The following CA13 variants were observed in gnomAD, a reference collection of about 807,000 sequenced individuals.
CA13 encodes the protein carbonic anhydrase 13.
In CA13, 21 loss-of-function variants were observed where a neutral mutation model predicts 31.5. The ratio of observed to expected loss-of-function variants is 0.67; its 90% CI spans 0.47 to 0.96. The LOEUF is 0.96. CA13 is among the 40% of genes least tolerant of loss of function. The probability of loss-of-function intolerance (pLI) is 0.00; values close to 1 mark genes in which losing one functional copy is unlikely to be tolerated. For missense variants in CA13, 315 were observed against 318.9 expected (o/e 0.99, Z 0.09); for synonymous variants, 117 against 111.4 (o/e 1.05, Z -0.32).
intron 6 of CA13, among the ~76,000 whole-genome samples, chr8:85,280,556 A>C (rs1409253626): frequency 6.6e-6 from 1 of 152,210 alleles, no homozygotes; most frequent in Admixed American, 6.5e-5. Context: ...ATTCCTAATA[A>C]TTTGTCTTCA....
chr8:85,245,595 C>T lies in CA13; in HGVS notation c.-234C>T. 5.3e-6 allele frequency: 3 copies of T among 566,576 alleles called. No homozygotes were observed. Among genetic ancestry groups the T allele is most frequent in the East Asian group, 6.2e-5 (2 of 32,310 alleles). 35.1% of individuals were successfully genotyped at this position (566,576 alleles called of 1,614,324 possible). A position where few individuals can be genotyped will look rare whatever the true frequency, so the allele number is the denominator to read the frequency against. The stretch of plus-strand genomic sequence containing the variant: ...CAAATCTCTCATTCCCGAGTCCAAA[C>T]TAAGAGAGACTCGCGCCCCAGGAGT... On this transcript the variant is annotated 5_prime_UTR_variant, in exon 1 of 7. Transcript: ENST00000321764.
At position 85,281,243 on chromosome 8, in the gene CA13, G is replaced by T. The variant is rs1366347267; in HGVS notation, c.683G>T (p.Arg228Leu). ...NISSQQLAKF[R>L]SLLCTAEGEA... ...CTTCTTCTACAGCTGGCCAAATTTCGCAGTCTCCTGTGCACAGCGGAGGGT... is the reference window on the plus strand; with the variant it reads ...CTTCTTCTACAGCTGGCCAAATTTCTCAGTCTCCTGTGCACAGCGGAGGGT... The change falls in exon 7 of 7, where the codon CGC (arginine) becomes CTC (leucine). Residue 228 changes from arginine (R) to leucine (L), a missense_variant. Transcript: ENST00000321764. 3.1e-6 allele frequency: 5 copies of T among 1,612,748 alleles called. No homozygotes were observed. The highest frequency in any genetic ancestry group is 1.3e-5 in the African/African-American group (1 of 74,836).
At chr8:85,274,827 C>T (rs998699063) in intron 6 of CA13, among the ~76,000 whole-genome samples, 6 of 152,176 alleles carry the variant, frequency 3.9e-5, no homozygotes, top group Admixed American at 1.3e-4. Flanking sequence ...GTGTTGCAGA[C>T]GCCACTCGTC....
intron 6 of CA13, among the ~76,000 whole-genome samples, chr8:85,269,326 C>G (rs1440366451): frequency 6.6e-6 from 1 of 152,074 alleles, no homozygotes; most frequent in Admixed American, 6.5e-5. Context: ...GTGTGCATGC[C>G]TATAGTCCCA....
chr8:85,277,111 A>G (rs1807622855), intron 6 of CA13, among the ~76,000 whole-genome samples: 1 of 152,098 alleles, frequency 6.6e-6, no homozygotes, highest in Non-Finnish European at 1.5e-5. Flanking sequence ...CAGATAAGAG[A>G]AGAAAAGCAG....
At chr8:85,261,552 G>A (rs1381038279) in intron 3 of CA13, among the ~76,000 whole-genome samples, 2 of 151,816 alleles carry the variant, frequency 1.3e-5, no homozygotes, top group Non-Finnish European at 1.5e-5. Flanking sequence ...TCAGCCACCC[G>A]AGTAGCTGGG....
intron 6 of CA13, among the ~76,000 whole-genome samples, chr8:85,272,972 C>T (rs1232995367): frequency 6.6e-6 from 1 of 152,142 alleles, no homozygotes; most frequent in Non-Finnish European, 1.5e-5. Flanking sequence ...CACTTGCCAC[C>T]ACACCCAGCT....
intron 6 of CA13, among the ~76,000 whole-genome samples, chr8:85,269,925 G>C (rs1250609140): frequency 1.3e-5 from 2 of 151,914 alleles, no homozygotes; most frequent in African/African-American, 4.8e-5. Context: ...TTATTGCCCT[G>C]GCTGGTCTTG....
chr8:85,268,595 T>G lies in CA13; in HGVS notation c.637T>G (p.Leu213Val). 6.2e-7 allele frequency: 1 copy of G among 1,614,074 alleles called. No homozygotes were observed. The highest frequency in any genetic ancestry group is 8.5e-7 in the Non-Finnish European group (1 of 1,179,958). Residue 213 changes from leucine (L) to valine (V), a missense_variant, in exon 6 of 7, where the codon TTA becomes GTA. By Grantham distance (32) the Leu-to-Val change is conservative. Coordinates refer to ENST00000321764, the MANE Select transcript of CA13 (RefSeq NM_198584.3). The part of the protein sequence containing the change: ...PLLESVTWIV[L>V]KQPINISSQQ... ...TCTTGAGAGTGTCACATGGATTGTT[T>G]TAAAGCAACCTATAAACATCAGCTC... is the stretch of plus-strand genomic sequence containing the variant.
At chr8:85,255,892 A>C (rs1807285947) in intron 2 of CA13, among the ~76,000 whole-genome samples, 2 of 152,284 alleles carry the variant, frequency 1.3e-5, no homozygotes, top group African/African-American at 4.8e-5. Context: ...AGAACTCTCC[A>C]CATTATGTTG....
At chr8:85,260,832 G>A (rs1807367306) in intron 3 of CA13, among the ~76,000 whole-genome samples, 1 of 152,166 alleles carries the variant, frequency 6.6e-6, no homozygotes, top group Non-Finnish European at 1.5e-5. Context: ...AGCGCCCTCG[G>A]AACTAATTAT....
In CA13 at chr8:85,259,423, C is replaced by G. The variant is rs770355479; in HGVS notation, c.238C>G (p.Leu80Val). Residue 80 changes from leucine (L) to valine (V), a missense_variant and splice_region_variant, in exon 3 of 7, where the codon CTG (leucine) becomes GTG (valine). Transcript: ENST00000321764. The stretch of plus-strand genomic sequence containing the variant: ...ATATAAAACATGTTGTTGTTTAGTT[C>G]TGCGTGGTGGTCCTCTCACTGGAAG... ...DFDDTENKSVLRGGPLTGSYR... is the reference protein window; with the variant it reads ...DFDDTENKSVVRGGPLTGSYR... 3 of 1,612,672 alleles carry G rather than the reference C, an allele frequency of 1.9e-6. No individual in the cohort carries two copies. In the African/African-American group the frequency reaches 4.0e-5, roughly 22 times the overall value.
At chr8:85,251,832 A>G (rs537735591) in intron 2 of CA13, among the ~76,000 whole-genome samples, 7 of 152,350 alleles carry the variant, frequency 4.6e-5, no homozygotes, top group African/African-American at 1.7e-4. Context: ...GTATACATAC[A>G]TGTGTATCAT....
chr8:85,267,846 T>C (rs1807477389), intron 4 of CA13, 56 bp from the exon 5 acceptor site: 1 of 997,006 alleles, frequency 1.0e-6, no homozygotes, highest in African/African-American at 1.6e-5. Flanking sequence ...TGAAATTGAG[T>C]GATTCAGACT....
At chr8:85,276,936 G>C (rs530222602) in intron 6 of CA13, among the ~76,000 whole-genome samples, 1 of 152,310 alleles carries the variant, frequency 6.6e-6, no homozygotes, top group East Asian at 1.9e-4. Flanking sequence ...CTAGCTCAGG[G>C]TTTGTGAATG....
At position 85,266,682 on chromosome 8, in the gene CA13, T is replaced by C; in HGVS notation, c.429T>C (p.Ala143=). The C allele has an allele frequency of 6.2e-7, 1 of 1,613,882 alleles. No individual in the cohort carries two copies. Among genetic ancestry groups the C allele is most frequent in the East Asian group, 2.2e-5 (1 of 44,868 alleles). ...CAGCTCATGAACCAGATGGACTGGCTGTCTTGGGAGTGTTTTTACAGGTGA... is the reference window on the plus strand; with the variant it reads ...CAGCTCATGAACCAGATGGACTGGCCGTCTTGGGAGTGTTTTTACAGGTGA... ...VEAAHEPDGL[A]VLGVFLQIGE... The change falls in exon 4 of 7, where the codon GCT becomes GCC. Residue 143 remains alanine (A), a synonymous_variant. Transcript: ENST00000321764.
rs1807332838 is a variant in CA13, at chr8:85,258,547, TG to T, written c.236-873del. Among the ~76,000 whole-genome samples the T allele has an allele frequency of 2.0e-5, 3 of 151,914 alleles. 1 individual carries two copies. The highest frequency in any genetic ancestry group is 2.0e-4 in the Admixed American group (3 of 15,258). ...TGACTGTGTGTCAGGTAGTAATAAG[TG>T]CTTTGTGTTCAATTTTTCTTCTGTT... On this transcript the variant is annotated intron_variant, in intron 2 of 6. Coordinates refer to ENST00000321764, the MANE Select transcript of CA13 (RefSeq NM_198584.3).
At chr8:85,249,224 C>A (rs757758233) in intron 1 of CA13, among the ~76,000 whole-genome samples, 1 of 152,072 alleles carries the variant, frequency 6.6e-6, no homozygotes, top group Non-Finnish European at 1.5e-5. Flanking sequence ...TTGGGCCAGG[C>A]GTGGTGGCTC....
chr8:85,277,377 G>C (rs1198523379), intron 6 of CA13, among the ~76,000 whole-genome samples: 1 of 152,020 alleles, frequency 6.6e-6, no homozygotes, highest in East Asian at 1.9e-4. Flanking sequence ...AAGCTCTGCA[G>C]CTTCACTCCT....
Sources: gnomAD v4.1 joint callset for allele counts (sites outside exome capture counted in the v4.1 genomes callset) on GRCh38, gnomAD v4.1.1 for gene constraint, MANE v1.5 for transcripts, NCBI Gene and HGNC (gene_info 2026-07-23, HGNC 2026-07-21) for gene names.